The following SGCD variants were observed in gnomAD, a reference collection of about 807,000 sequenced individuals.
SGCD encodes sarcoglycan delta, also known as delta-sarcoglycan.
In SGCD, 18 loss-of-function variants were observed where a neutral mutation model predicts 36.6. The ratio of observed to expected loss-of-function variants is 0.49; its 90% CI spans 0.34 to 0.73. The LOEUF is 0.73. Among genes scored for constraint, SGCD ranks in the 30% least tolerant of loss-of-function variants. The pLI, the probability that SGCD is intolerant of heterozygous loss-of-function variation, is 0.01. For synonymous variants in SGCD, 133 were observed against 130.6 expected (o/e 1.02, Z -0.12); for missense variants, 387 against 346.7 (o/e 1.12, Z -0.92).
intron 3 of SGCD, among the ~76,000 whole-genome samples, chr5:156,397,758 C>G (rs1771938481): frequency 6.6e-6 from 1 of 152,184 alleles, no homozygotes; most frequent in South Asian, 2.1e-4. Flanking sequence ...GTACATAAGT[C>G]ATTGCTAAAC....
At chr5:156,169,264 G>A (rs1042947621) in intron 3 of SGCD, among the ~76,000 whole-genome samples, 4 of 152,170 alleles carry the variant, frequency 2.6e-5, no homozygotes, top group Non-Finnish European at 5.9e-5. Flanking sequence ...CAGTACTCAG[G>A]CCTCCTCTTG....
chr5:156,254,002 A>G (rs969208047), intron 3 of SGCD, among the ~76,000 whole-genome samples: 10 of 152,192 alleles, frequency 6.6e-5, no homozygotes, highest in Non-Finnish European at 1.5e-4. Context: ...TGATTTGTCT[A>G]TATATTTGGT....
intron 7 of SGCD, among the ~76,000 whole-genome samples, chr5:156,722,609 C>A (rs1334541042): frequency 6.6e-6 from 1 of 152,220 alleles, no homozygotes; most frequent in African/African-American, 2.4e-5. Context: ...GCCTAAAATA[C>A]AATGTGTACT....
At chr5:156,482,428 T>C (rs1755471921) in intron 3 of SGCD, among the ~76,000 whole-genome samples, 1 of 152,248 alleles carries the variant, frequency 6.6e-6, no homozygotes, top group Admixed American at 6.5e-5. Context: ...TAGCATTCCA[T>C]AATAATCATT....
chr5:156,163,721 T>C (rs1462073622), intron 3 of SGCD, among the ~76,000 whole-genome samples: 1 of 151,444 alleles, frequency 6.6e-6, no homozygotes, highest in African/African-American at 2.4e-5. Flanking sequence ...AATATTATTA[T>C]CAAAAGAAAT....
At chr5:156,129,358 A>G (rs1404263711) in intron 3 of SGCD, among the ~76,000 whole-genome samples, 1 of 152,114 alleles carries the variant, frequency 6.6e-6, no homozygotes, top group Admixed American at 6.6e-5. Context: ...AAGTTAAGCA[A>G]TTTGCTCCAA....
chr5:155,917,198 A>G (rs1172679538), intron 1 of SGCD, among the ~76,000 whole-genome samples: 2 of 152,158 alleles, frequency 1.3e-5, no homozygotes, highest in Non-Finnish European at 1.5e-5. Flanking sequence ...CTCTGACTCC[A>G]TTTGATCAGT....
At chr5:155,826,030 G>A in the SGCD span, among the ~76,000 whole-genome samples, 1 of 152,200 alleles carries the variant, frequency 6.6e-6, no homozygotes. Flanking sequence ...GATCACAGGC[G>A]TGAGCCACCA....
At chr5:156,177,604 G>T (rs1472461859) in intron 3 of SGCD, among the ~76,000 whole-genome samples, 1 of 152,092 alleles carries the variant, frequency 6.6e-6, no homozygotes, top group Non-Finnish European at 1.5e-5. Context: ...ACAATGTACT[G>T]CATCTATTTA....
At chr5:155,886,907 G>C (rs1483380962) in intron 1 of SGCD, among the ~76,000 whole-genome samples, 1 of 152,190 alleles carries the variant, frequency 6.6e-6, no homozygotes, top group Non-Finnish European at 1.5e-5. Context: ...GAACCACATT[G>C]GGCATGCCAG....
intron 6 of SGCD, among the ~76,000 whole-genome samples, chr5:156,630,775 G>A (rs537539966): frequency 1.3e-5 from 2 of 152,274 alleles, no homozygotes; most frequent in African/African-American, 4.8e-5. Flanking sequence ...AACAGTGCTG[G>A]ATAGTAAGAT....
At chr5:156,008,013 A>C (rs1474747291) in intron 1 of SGCD, among the ~76,000 whole-genome samples, 1 of 152,144 alleles carries the variant, frequency 6.6e-6, no homozygotes, top group Admixed American at 6.5e-5. Context: ...TGTTATTCCA[A>C]GATTCTTTTT....
upstream of SGCD, among the ~76,000 whole-genome samples, chr5:156,323,331 C>T (rs1272485496): frequency 3.3e-5 from 5 of 152,128 alleles, no homozygotes; most frequent in Non-Finnish European, 5.9e-5. Context: ...ATTAAGGAAA[C>T]TGAAATATTC....
the SGCD span, among the ~76,000 whole-genome samples, chr5:155,844,237 G>A: frequency 6.6e-6 from 1 of 152,186 alleles, no homozygotes; most frequent in East Asian, 1.9e-4. Flanking sequence ...GCAGCTTCCT[G>A]CTTTTCTGGC....
chr5:155,873,286 TAAAA>T (rs972343891), intron 1 of SGCD, among the ~76,000 whole-genome samples: 1 of 151,926 alleles, frequency 6.6e-6, no homozygotes, highest in Non-Finnish European at 1.5e-5. Flanking sequence ...ATACATTTTT[TAAAA>T]AAAAGTTAAA....
At chr5:155,988,096 T>C (rs1758364841) in intron 1 of SGCD, among the ~76,000 whole-genome samples, 1 of 152,200 alleles carries the variant, frequency 6.6e-6, no homozygotes, top group Non-Finnish European at 1.5e-5. Flanking sequence ...TGGCAGAAGA[T>C]GAGTTTAAAC....
chr5:156,543,044 A>T (rs543309472), intron 4 of SGCD, among the ~76,000 whole-genome samples: 1 of 152,330 alleles, frequency 6.6e-6, no homozygotes, highest in South Asian at 2.1e-4. Context: ...ACCAAAGAAG[A>T]TCATGATTCT....
the SGCD span, among the ~76,000 whole-genome samples, chr5:155,793,007 GC>G: frequency 6.6e-6 from 1 of 152,168 alleles, no homozygotes; most frequent in Non-Finnish European, 1.5e-5. Flanking sequence ...CAACCTAGGT[GC>G]CCATCAGTGG....
chr5:156,464,883 T>G (rs116066768), intron 3 of SGCD, among the ~76,000 whole-genome samples: 2,952 of 152,290 alleles, frequency 0.019, 33 homozygotes, highest in Non-Finnish European at 0.032. Context: ...TGCTATTGAT[T>G]TTTTTAAAGT....
Sources: allele counts gnomAD v4.1 joint callset (sites outside exome capture counted in the v4.1 genomes callset), GRCh38; gene constraint gnomAD v4.1.1; transcripts MANE v1.5; gene names NCBI Gene and HGNC (gene_info 2026-07-23, HGNC 2026-07-21).